The following ROBO1 variants were observed in gnomAD, a reference collection of about 807,000 sequenced individuals.
ROBO1 encodes the protein roundabout homolog 1.
ROBO1 carries 149 observed loss-of-function variants against 195.9 expected under a neutral mutation model. The ratio of observed to expected loss-of-function variants is 0.76; its 90% CI spans 0.67 to 0.87. The LOEUF (loss-of-function observed/expected upper bound fraction) is 0.87, where lower values mean the gene tolerates loss of function less well. ROBO1 is among the 40% of genes least tolerant of loss of function. ROBO1 has a pLI of 0.00. For synonymous variants in ROBO1, 816 were observed against 733.2 expected (o/e 1.11, Z -1.82); for missense variants, 1,933 against 2,068.3 (o/e 0.93, Z 1.27).
At chr3:78,659,283 A>T (rs994176394) in intron 17 of ROBO1, among the ~76,000 whole-genome samples, 1 of 152,238 alleles carries the variant, frequency 6.6e-6, no homozygotes, top group African/African-American at 2.4e-5. Flanking sequence ...TACACTGTTC[A>T]TATACACAAA....
intron 4 of ROBO1, among the ~76,000 whole-genome samples, chr3:78,775,940 A>C (rs2108452828): frequency 6.6e-6 from 1 of 152,342 alleles, no homozygotes; most frequent in African/African-American, 2.4e-5. Context: ...GAAGGAGGCA[A>C]GTGCAGAGCT....
intron 2 of ROBO1, among the ~76,000 whole-genome samples, chr3:79,524,654 G>A (rs1330864404): frequency 6.6e-6 from 1 of 152,084 alleles, no homozygotes; most frequent in Non-Finnish European, 1.5e-5. Flanking sequence ...GAAGAAACTG[G>A]ATTCTAAAGT....
chr3:79,596,354 A>G (rs1035282449), intron 1 of ROBO1, among the ~76,000 whole-genome samples: 1 of 152,052 alleles, frequency 6.6e-6, no homozygotes, highest in Non-Finnish European at 1.5e-5. Context: ...AAAGGGGATT[A>G]AGTTGGTGAC....
intron 2 of ROBO1, among the ~76,000 whole-genome samples, chr3:79,444,604 G>T (rs2039175144): frequency 6.6e-6 from 1 of 152,014 alleles, no homozygotes; most frequent in Non-Finnish European, 1.5e-5. Context: ...TCAACTCCTA[G>T]ATTTCTATCC....
chr3:79,284,800 TAC>T (rs1372503431), intron 2 of ROBO1, among the ~76,000 whole-genome samples: 4 of 152,174 alleles, frequency 2.6e-5, no homozygotes, highest in African/African-American at 7.2e-5. Flanking sequence ...AATGAGATAG[TAC>T]AGTTATTGAT....
intron 2 of ROBO1, among the ~76,000 whole-genome samples, chr3:79,351,065 T>C (rs1306118743): frequency 6.6e-6 from 1 of 152,144 alleles, no homozygotes; most frequent in Non-Finnish European, 1.5e-5. Context: ...AGTATGAGTA[T>C]ATTAAAACCA....
intron 2 of ROBO1, among the ~76,000 whole-genome samples, chr3:79,155,662 G>T (rs940837209): frequency 5.9e-5 from 9 of 151,566 alleles, no homozygotes; most frequent in South Asian, 2.1e-4. Flanking sequence ...ATTCCTAACA[G>T]TACCCTAAAA....
At chr3:79,174,524 C>T (rs943020996) in intron 2 of ROBO1, among the ~76,000 whole-genome samples, 8 of 152,210 alleles carry the variant, frequency 5.3e-5, no homozygotes, top group South Asian at 4.1e-4. Flanking sequence ...CCACCAATTC[C>T]GGACACATTA....
intron 26 of ROBO1, among the ~76,000 whole-genome samples, chr3:78,620,442 G>A (rs942819380): frequency 6.6e-6 from 1 of 152,142 alleles, no homozygotes; most frequent in Admixed American, 6.5e-5. Context: ...AACCCGGGAG[G>A]AGGAGGTTGC....
chr3:79,048,319 C>G lies in ROBO1; in HGVS notation c.172+77137G>C, dbSNP rs113551920. ...CCTTATGCTTTAGATTTTTAAACCT[C>G]AGTTCCAAGGCTAGTTTTGTTCATT... On this transcript the variant is annotated intron_variant, in intron 3 of 30. Coordinates refer to ENST00000464233, the MANE Select transcript of ROBO1 (RefSeq NM_002941.4). Among the ~76,000 whole-genome samples the G allele has an allele frequency of 6.1e-4, 93 of 152,208 alleles. 2 individuals carry two copies. The highest frequency in any genetic ancestry group is 2.1e-3 in the African/African-American group (88 of 41,548).
intron 2 of ROBO1, among the ~76,000 whole-genome samples, chr3:79,181,583 A>G (rs1190480434): frequency 2.0e-5 from 3 of 152,202 alleles, no homozygotes; most frequent in Admixed American, 2.0e-4. Flanking sequence ...AATGCAAGAC[A>G]GAGTTGACAA....
At chr3:79,182,134 G>A (rs1014101672) in intron 2 of ROBO1, among the ~76,000 whole-genome samples, 4 of 151,768 alleles carry the variant, frequency 2.6e-5, no homozygotes, top group African/African-American at 7.3e-5. Flanking sequence ...TTATTAAGTC[G>A]CAGTTGATAT....
intron 3 of ROBO1, among the ~76,000 whole-genome samples, chr3:79,004,873 AAAG>A (rs1172054064): frequency 6.6e-6 from 1 of 152,208 alleles, no homozygotes; most frequent in Non-Finnish European, 1.5e-5. Flanking sequence ...TATGGTTCAC[AAAG>A]AAGAAAAGGT....
At chr3:79,741,220 C>A (rs1703634324) in intron 1 of ROBO1, among the ~76,000 whole-genome samples, 1 of 152,192 alleles carries the variant, frequency 6.6e-6, no homozygotes, top group Non-Finnish European at 1.5e-5. Context: ...CTAGTCAATT[C>A]CCTCAGCCAA....
At chr3:78,987,775 T>A (rs906249321) in intron 3 of ROBO1, among the ~76,000 whole-genome samples, 1 of 152,086 alleles carries the variant, frequency 6.6e-6, no homozygotes, top group African/African-American at 2.4e-5. Context: ...TGATTATCTG[T>A]AATACAAAGG....
At chr3:79,732,862 T>C (rs1703211495) in intron 1 of ROBO1, among the ~76,000 whole-genome samples, 1 of 152,172 alleles carries the variant, frequency 6.6e-6, no homozygotes, top group South Asian at 2.1e-4. Flanking sequence ...TTTGATTAGC[T>C]TACATTTTCA....
chr3:78,895,657 C>T (rs911491997), intron 4 of ROBO1, among the ~76,000 whole-genome samples: 3 of 152,134 alleles, frequency 2.0e-5, no homozygotes, highest in Non-Finnish European at 2.9e-5. Context: ...TGTTCTTTGG[C>T]AAGATTTGGC....
chr3:79,585,122 A>C lies in ROBO1; in HGVS notation c.88+4702T>G, dbSNP rs562484215. ...TTGATATCAACATACTTTTAAGATA[A>C]TTTTATGGAAAAAGGGGCCCATAAA... is the stretch of plus-strand genomic sequence containing the variant. On this transcript the variant is annotated intron_variant, in intron 2 of 30. Transcript: ENST00000464233. 3.4e-5 allele frequency among the ~76,000 whole-genome samples: 5 copies of C among 148,704 alleles called. No individual in the cohort carries two copies. The East Asian group carries it at 5.8e-4, about 17-fold the overall frequency.
intron 2 of ROBO1, among the ~76,000 whole-genome samples, chr3:79,443,567 A>G (rs374723228): frequency 8.2e-4 from 125 of 152,268 alleles, no homozygotes; most frequent in African/African-American, 2.7e-3. Flanking sequence ...GAATTGAGAA[A>G]TATAGCACTT....
Sources: gnomAD v4.1 joint callset for allele counts (sites outside exome capture counted in the v4.1 genomes callset) on GRCh38, gnomAD v4.1.1 for gene constraint, MANE v1.5 for transcripts, NCBI Gene and HGNC (gene_info 2026-07-23, HGNC 2026-07-21) for gene names.